The following DOCK4 variants were observed in gnomAD, a reference collection of about 807,000 sequenced individuals.
DOCK4 encodes the protein dedicator of cytokinesis protein 4.
DOCK4 carries 97 observed loss-of-function variants against 268.1 expected under a neutral mutation model. The ratio of observed to expected loss-of-function variants is 0.36; its 90% CI spans 0.31 to 0.43. DOCK4 has a LOEUF of 0.43. Among genes scored for constraint, DOCK4 ranks in the 20% least tolerant of loss-of-function variants. The pLI, the probability that DOCK4 is intolerant of heterozygous loss-of-function variation, is 1.00. For synonymous variants in DOCK4, 954 were observed against 887.2 expected (o/e 1.08, Z -1.34); for missense variants, 2,145 against 2,455.7 (o/e 0.87, Z 2.67).
chr7:112,008,562 G>A (rs889992337), intron 1 of DOCK4, among the ~76,000 whole-genome samples: 3 of 152,130 alleles, frequency 2.0e-5, no homozygotes, highest in African/African-American at 7.2e-5. Flanking sequence ...CAGTGAAATG[G>A]GGACTCATTC....
At chr7:111,972,217 A>G (rs1188657290) in intron 8 of DOCK4, among the ~76,000 whole-genome samples, 1 of 152,184 alleles carries the variant, frequency 6.6e-6, no homozygotes. Context: ...AACTATGGAA[A>G]CTTTCAGACA....
intron 43 of DOCK4, among the ~76,000 whole-genome samples, chr7:111,747,008 T>C (rs1796321653): frequency 6.6e-6 from 1 of 152,154 alleles, no homozygotes; most frequent in East Asian, 1.9e-4. Flanking sequence ...ACAGTCCTAA[T>C]GTCCTTTCTA....
intron 23 of DOCK4, among the ~76,000 whole-genome samples, chr7:111,856,414 A>G (rs1805019392): frequency 6.6e-6 from 1 of 152,166 alleles, no homozygotes; most frequent in African/African-American, 2.4e-5. Flanking sequence ...TAAAACTATT[A>G]ATTTTATCTT....
At chr7:111,892,207 T>C (rs1228560761) in intron 16 of DOCK4, among the ~76,000 whole-genome samples, 3 of 152,206 alleles carry the variant, frequency 2.0e-5, no homozygotes, top group Admixed American at 1.3e-4. Context: ...TATTGATTGA[T>C]TGATTGATTT....
chr7:111,760,109 C>T, intron 40 of DOCK4, 72 bp downstream of exon 40: 9 of 1,575,666 alleles, frequency 5.7e-6, no homozygotes, highest in Non-Finnish European at 7.8e-6. Flanking sequence ...GCTGAACAAC[C>T]TTGCATGGAA....
chr7:112,031,722 G>A (rs1220672297), intron 1 of DOCK4, among the ~76,000 whole-genome samples: 3 of 152,176 alleles, frequency 2.0e-5, no homozygotes, highest in East Asian at 3.9e-4. Context: ...TTATTGCCAC[G>A]GGAAGAGTGC....
intron 26 of DOCK4, among the ~76,000 whole-genome samples, chr7:111,823,204 CTTTTTTTT>C (rs917904625): frequency 1.7e-5 from 2 of 116,282 alleles, no homozygotes; most frequent in South Asian, 5.5e-4. Context: ...GGAAATATTA[CTTTTTTTT>C]TTTTTTTTTT....
intron 1 of DOCK4, among the ~76,000 whole-genome samples, chr7:112,185,312 G>A (rs1442347090): frequency 2.0e-5 from 3 of 152,202 alleles, no homozygotes; most frequent in Non-Finnish European, 4.4e-5. Context: ...TTCTGCAGAT[G>A]TGGAAAATAA....
chr7:112,162,503 CTCTT>C (rs1243339555), intron 1 of DOCK4, among the ~76,000 whole-genome samples: 3 of 125,698 alleles, frequency 2.4e-5, no homozygotes, highest in East Asian at 2.0e-4. Context: ...GTCTGTCTGT[CTCTT>C]TCTTTCTCTC....
At chr7:111,870,219 C>A (rs868867490) in intron 20 of DOCK4, among the ~76,000 whole-genome samples, 1 of 151,776 alleles carries the variant, frequency 6.6e-6, no homozygotes, top group Non-Finnish European at 1.5e-5. Flanking sequence ...ATTTTTTTTC[C>A]TGTTTTGAAA....
At chr7:112,154,720 C>A (rs1300405873) in intron 1 of DOCK4, among the ~76,000 whole-genome samples, 1 of 152,194 alleles carries the variant, frequency 6.6e-6, no homozygotes, top group Non-Finnish European at 1.5e-5. Context: ...AGGGAAGACA[C>A]TTCATGCAGC....
chr7:111,860,805 TCTC>T lies in DOCK4; in HGVS notation c.2473+2564_2473+2566del, dbSNP rs533033787. On this transcript the variant is annotated intron_variant, in intron 23 of 52. Transcript: ENST00000428084. ...TTTATCCCGCATCACAGCAGGTTCT[TCTC>T]TGTGTATCTTTCTAGTCCTGATTTC... Among the ~76,000 whole-genome samples the T allele has an allele frequency of 3.7e-4, 56 of 152,318 alleles. 1 individual carries two copies. The South Asian group carries it at 0.011, about 29-fold the overall frequency.
chr7:112,162,748 CTGA>C (rs1246448425), intron 1 of DOCK4, among the ~76,000 whole-genome samples: 2 of 152,122 alleles, frequency 1.3e-5, no homozygotes, highest in African/African-American at 2.4e-5. Flanking sequence ...TAAACTTTAC[CTGA>C]TGTTATAGGA....
intron 8 of DOCK4, among the ~76,000 whole-genome samples, chr7:111,946,386 G>A (rs1304419766): frequency 2.0e-5 from 3 of 152,068 alleles, no homozygotes; most frequent in Non-Finnish European, 4.4e-5. Flanking sequence ...CGGGAGCTGC[G>A]GTGGCTCAGA....
Position 111,736,977 on chromosome 7 carries a change from T to TAAAC in DOCK4, c.5241_5244dup (p.Asn1749ValfsTer2). ...GGCAAGGCCCCGTCTCCAATATGAT[T>TAAAC]AAACAGCATCCTCTGCAAAGTTACA... On this transcript the variant is annotated frameshift_variant, in exon 50 of 53. Coordinates refer to ENST00000428084, the MANE Select transcript of DOCK4 (RefSeq NM_001363540.2). LOFTEE classifies it high-confidence loss of function. 6.2e-7 allele frequency: 1 copy of TAAAC among 1,604,106 alleles called. No homozygotes were observed. The highest frequency in any genetic ancestry group is 8.5e-7 in the Non-Finnish European group (1 of 1,175,170).
intron 1 of DOCK4, among the ~76,000 whole-genome samples, chr7:112,115,209 C>T (rs1442593411): frequency 6.6e-6 from 1 of 152,222 alleles, no homozygotes; most frequent in Non-Finnish European, 1.5e-5. Flanking sequence ...ACCTGGCAAT[C>T]TTTAAAAAAT....
chr7:112,105,960 G>A (rs1811115903), intron 1 of DOCK4, among the ~76,000 whole-genome samples: 1 of 152,166 alleles, frequency 6.6e-6, no homozygotes, highest in South Asian at 2.1e-4. Flanking sequence ...TAAAGTGCTG[G>A]GATCACAGGC....
chr7:112,174,469 A>G (rs896753570), intron 1 of DOCK4, among the ~76,000 whole-genome samples: 1 of 152,064 alleles, frequency 6.6e-6, no homozygotes, highest in African/African-American at 2.4e-5. Flanking sequence ...TTTATCTAGT[A>G]AAAGGACCAA....
chr7:111,978,991 A>G (rs567164822), intron 7 of DOCK4, among the ~76,000 whole-genome samples: 1 of 152,304 alleles, frequency 6.6e-6, no homozygotes, highest in African/African-American at 2.4e-5. Flanking sequence ...TCACTTTGAC[A>G]ATTAAAAAAA....
Sources: allele counts gnomAD v4.1 joint callset (sites outside exome capture counted in the v4.1 genomes callset), GRCh38; gene constraint gnomAD v4.1.1; transcripts MANE v1.5; gene names NCBI Gene and HGNC (gene_info 2026-07-23, HGNC 2026-07-21).